Variants in SDCCAG8 observed in about 807,000 individuals in gnomAD.
The protein encoded by SDCCAG8 is serologically defined colon cancer antigen 8.
SDCCAG8 carries 74 observed loss-of-function variants against 101.8 expected under a neutral mutation model. The observed-to-expected ratio is 0.73, with a 90% confidence interval of 0.60 to 0.88. The LOEUF is 0.88. SDCCAG8 is among the 40% of genes least tolerant of loss of function. SDCCAG8 has a pLI of 0.00. For missense variants in SDCCAG8, 787 were observed against 822.6 expected, an observed-to-expected ratio of 0.96 and a Z score of 0.53; for synonymous variants, 281 against 292.9, an observed-to-expected ratio of 0.96 and a Z score of 0.41.
chr1:243,472,499 G>A (rs1661464084), intron 16 of SDCCAG8, among the ~76,000 whole-genome samples: 1 of 152,158 alleles, frequency 6.6e-6, no homozygotes, highest in African/African-American at 2.4e-5. Context: ...CCCCAAAAAC[G>A]GAAGCAAGTA....
intron 13 of SDCCAG8, among the ~76,000 whole-genome samples, chr1:243,383,870 A>G (rs1303923469): frequency 1.3e-5 from 2 of 152,152 alleles, no homozygotes; most frequent in South Asian, 2.1e-4. Context: ...GTCAGTACAC[A>G]TAGCTCCCCT....
intron 13 of SDCCAG8, among the ~76,000 whole-genome samples, chr1:243,400,804 T>C (rs1461222746): frequency 6.6e-6 from 1 of 152,178 alleles, no homozygotes; most frequent in African/African-American, 2.4e-5. Flanking sequence ...TTGTGGATGC[T>C]CTCCTGTATA....
intron 15 of SDCCAG8, among the ~76,000 whole-genome samples, chr1:243,424,661 T>C (rs1009702757): frequency 2.6e-4 from 40 of 152,134 alleles, no homozygotes; most frequent in African/African-American, 9.4e-4. Flanking sequence ...CTCCTGTTGA[T>C]AGATTTCTTG....
chr1:243,336,884 A>G (rs1038525364), intron 10 of SDCCAG8, among the ~76,000 whole-genome samples: 1 of 151,792 alleles, frequency 6.6e-6, no homozygotes, highest in Non-Finnish European at 1.5e-5. Flanking sequence ...TTCTTTATAG[A>G]TTCTGGATAT....
chr1:243,317,971 G>A (rs2073407891), intron 9 of SDCCAG8: 4 of 452,110 alleles, frequency 8.8e-6, no homozygotes, highest in South Asian at 4.7e-5. Flanking sequence ...ACATTACTGA[G>A]TATATGCCCA....
At chr1:243,346,016 A>G (rs1045443093) in intron 12 of SDCCAG8, among the ~76,000 whole-genome samples, 7 of 152,150 alleles carry the variant, frequency 4.6e-5, no homozygotes, top group African/African-American at 1.7e-4. Flanking sequence ...CAGTTACAAG[A>G]TGTTTGTGAT....
chr1:243,297,497 A>G (rs530019908), intron 6 of SDCCAG8, among the ~76,000 whole-genome samples: 37 of 152,326 alleles, frequency 2.4e-4, no homozygotes, highest in South Asian at 1.2e-3. Context: ...AGGTAATGAC[A>G]ACCTTCCAAG....
rs1036823601 is a variant in SDCCAG8 at position 243,305,790 on chromosome 1, A to T, written c.740+1013A>T. 3.9e-5 allele frequency: 6 copies of T among 152,210 alleles called. 1 individual carries two copies. Among genetic ancestry groups the T allele is most frequent in the African/African-American group, 1.4e-4 (6 of 41,446 alleles). 9.4% of individuals were successfully genotyped at this position (152,210 alleles called of 1,614,324 possible). ...TATCTAGAGACATAACTAGAGTAAT[A>T]CTAAGAGCCAGAACTCAGCTGATTG... On this transcript the variant is annotated intron_variant, in intron 7 of 17. Coordinates refer to ENST00000366541, the MANE Select transcript of SDCCAG8 (RefSeq NM_006642.5).
intron 12 of SDCCAG8, among the ~76,000 whole-genome samples, chr1:243,367,885 T>C (rs2077070858): frequency 6.6e-6 from 1 of 151,838 alleles, no homozygotes; most frequent in Non-Finnish European, 1.5e-5. Context: ...TAAATTGGAA[T>C]GTCAAGTACA....
At chr1:243,406,885 A>G (rs1439264516) in intron 13 of SDCCAG8, among the ~76,000 whole-genome samples, 1 of 152,080 alleles carries the variant, frequency 6.6e-6, no homozygotes, top group Non-Finnish European at 1.5e-5. Flanking sequence ...TATTCTTTGT[A>G]TGGCAGATTA....
chr1:243,377,021 C>T (rs1250254029), intron 12 of SDCCAG8, among the ~76,000 whole-genome samples: 1 of 152,144 alleles, frequency 6.6e-6, no homozygotes, highest in Admixed American at 6.5e-5. Context: ...GCTAATATAT[C>T]CCTCATCTGG....
At chr1:243,361,278 C>G (rs1300874415) in intron 12 of SDCCAG8, among the ~76,000 whole-genome samples, 1 of 152,168 alleles carries the variant, frequency 6.6e-6, no homozygotes, top group Non-Finnish European at 1.5e-5. Context: ...TTCCTGACTA[C>G]CTTGTTTTAT....
At chr1:243,318,482 T>G in intron 9 of SDCCAG8, 1 of 847,650 alleles carries the variant, frequency 1.2e-6, no homozygotes, top group African/African-American at 1.8e-5. Context: ...TAACAAACCT[T>G]CACATGTACC....
intron 17 of SDCCAG8, among the ~76,000 whole-genome samples, chr1:243,494,501 G>A (rs1011649796): frequency 6.6e-6 from 1 of 152,126 alleles, no homozygotes; most frequent in Non-Finnish European, 1.5e-5. Context: ...TAAGCATCTC[G>A]CGACCTTCGG....
At chr1:243,257,644 G>C (rs566192816) in intron 1 of SDCCAG8, among the ~76,000 whole-genome samples, 1 of 152,270 alleles carries the variant, frequency 6.6e-6, no homozygotes, top group East Asian at 1.9e-4. Flanking sequence ...GATTTTATAA[G>C]GGTTACTATG....
intron 12 of SDCCAG8, among the ~76,000 whole-genome samples, chr1:243,359,395 A>G (rs2076566685): frequency 1.3e-5 from 2 of 152,348 alleles, no homozygotes; most frequent in South Asian, 4.1e-4. Flanking sequence ...ATTCAATTGT[A>G]TACTTTCGGT....
At chr1:243,363,098 A>G (rs889320107) in intron 12 of SDCCAG8, among the ~76,000 whole-genome samples, 1 of 152,190 alleles carries the variant, frequency 6.6e-6, no homozygotes, top group African/African-American at 2.4e-5. Flanking sequence ...TGGCATCCTC[A>G]TTAAAGTCAG....
At chr1:243,271,741 A>G (rs192202377) in intron 3 of SDCCAG8, among the ~76,000 whole-genome samples, 13 of 151,970 alleles carry the variant, frequency 8.6e-5, no homozygotes, top group African/African-American at 2.9e-4. Flanking sequence ...ATGGGGTTTC[A>G]CCATATTGGC....
At position 243,311,767 on chromosome 1, in the gene SDCCAG8, T is replaced by TA. The variant is rs11311919; in HGVS notation, c.929+3601dup. 7.7e-3 allele frequency among the ~76,000 whole-genome samples: 1,145 copies of TA among 148,402 alleles called. 13 individuals are homozygous for TA. Among genetic ancestry groups the TA allele is most frequent in the African/African-American group, 0.026 (1,068 of 40,462 alleles). ...CTGTCTCTACAAAAAATTTAAAAAT[T>TA]AAAAAAAAAAACTCAGCCAAGAAAT... On this transcript the variant is annotated intron_variant, in intron 8 of 17. Transcript: ENST00000366541.
Sources: allele counts gnomAD v4.1 joint callset (sites outside exome capture counted in the v4.1 genomes callset), GRCh38; gene constraint gnomAD v4.1.1; transcripts MANE v1.5; gene names NCBI Gene and HGNC (gene_info 2026-07-23, HGNC 2026-07-21).